Variants in NRG3 observed in about 807,000 individuals in gnomAD.
The protein encoded by NRG3 is neuregulin 3.
Under a neutral mutation model 66.9 loss-of-function variants are expected in NRG3, and 31 were observed. The ratio of observed to expected loss-of-function variants is 0.46; its 90% CI spans 0.35 to 0.63. The LOEUF is 0.63. Among genes scored for constraint, NRG3 ranks in the 20% least tolerant of loss-of-function variants. The probability of loss-of-function intolerance (pLI) is 0.00; values close to 1 mark genes in which losing one functional copy is unlikely to be tolerated. For synonymous variants in NRG3, 393 were observed against 359.4 expected (o/e 1.09, Z -1.06); for missense variants, 910 against 878.9 (o/e 1.04, Z -0.45).
intron 1 of NRG3, among the ~76,000 whole-genome samples, chr10:82,313,646 G>A (rs1667437811): frequency 2.8e-5 from 3 of 107,420 alleles, no homozygotes; most frequent in African/African-American, 1.8e-4. Flanking sequence ...GAATGAGCTG[G>A]GACCTCATTC....
chr10:81,940,717 G>T (rs1848338824), intron 1 of NRG3, among the ~76,000 whole-genome samples: 1 of 151,910 alleles, frequency 6.6e-6, no homozygotes, highest in Non-Finnish European at 1.5e-5. Flanking sequence ...CAAAAAGGCT[G>T]GAAAATGTAG....
chr10:82,647,177 C>T (rs1028490627), intron 2 of NRG3, among the ~76,000 whole-genome samples: 1 of 151,962 alleles, frequency 6.6e-6, no homozygotes, highest in Non-Finnish European at 1.5e-5. Flanking sequence ...ACAACAGTCC[C>T]CAGAGTGTGA....
Position 81,875,793 on chromosome 10 carries a change from C to T in NRG3, c.453C>T (p.Pro151=). 2 of 1,610,700 alleles carry T rather than the reference C, an allele frequency of 1.2e-6. No homozygotes were observed. The highest frequency in any genetic ancestry group is 1.7e-6 in the Non-Finnish European group (2 of 1,179,922). The change falls in exon 1 of 9, where the codon CCC becomes CCT. Residue 151 remains proline, a synonymous_variant. Transcript: ENST00000372141. This position sits in a 1 kb window ranked among gnomAD's most constrained non-coding sequence, Gnocchi z 5.3. ...GGGGTGCCGCCTCCTCCAGGACGCC[C>T]AACCGGATTAGCACTCGCCTGACCA... The part of the protein sequence containing the change: ...SAGGAASSRT[P]NRISTRLTTI...
chr10:81,878,582 A>T (rs975072339), intron 1 of NRG3, among the ~76,000 whole-genome samples: 4 of 152,178 alleles, frequency 2.6e-5, no homozygotes, highest in African/African-American at 9.7e-5. Context: ...AGCCTGAATC[A>T]CTGGTGTTCA....
intron 4 of NRG3, among the ~76,000 whole-genome samples, chr10:82,920,203 T>A (rs374480612): frequency 3.3e-5 from 5 of 152,308 alleles, no homozygotes; most frequent in South Asian, 2.1e-4. Flanking sequence ...GATAAAGTAC[T>A]GTACTCTAGT....
At chr10:81,979,306 A>G (rs1041047054) in intron 1 of NRG3, among the ~76,000 whole-genome samples, 6 of 151,992 alleles carry the variant, frequency 3.9e-5, no homozygotes, top group Non-Finnish European at 8.8e-5. Flanking sequence ...AATATTGTAG[A>G]GGTTATGGCT....
At chr10:82,348,669 A>G (rs1231148934) in intron 1 of NRG3, among the ~76,000 whole-genome samples, 2 of 150,092 alleles carry the variant, frequency 1.3e-5, no homozygotes, top group African/African-American at 4.9e-5. Flanking sequence ...GTGTTTTCCA[A>G]CTTGGCTCCA....
Position 82,714,417 on chromosome 10 carries a change from A to G in NRG3, c.954-24160A>G, listed in dbSNP as rs545657697. Among the ~76,000 whole-genome samples the G allele has an allele frequency of 3.9e-5, 6 of 152,330 alleles. No individual in the cohort carries two copies. The South Asian group carries it at 1.2e-3, about 32-fold the overall frequency. On this transcript the variant is annotated intron_variant, in intron 2 of 8. Transcript: ENST00000372141. Reference sequence around the variant, plus strand: ...CTCTGTTTCAGCAACAAAGAAAAGCATATTGCAGAACTACCCATACCTCAT... The same window carrying G: ...CTCTGTTTCAGCAACAAAGAAAAGCGTATTGCAGAACTACCCATACCTCAT...
intron 1 of NRG3, among the ~76,000 whole-genome samples, chr10:82,236,779 G>C (rs945102608): frequency 1.2e-4 from 17 of 141,394 alleles, no homozygotes; most frequent in Non-Finnish European, 1.2e-4. Flanking sequence ...GCAGTGGTGC[G>C]ATCTCCGCCT....
intron 2 of NRG3, among the ~76,000 whole-genome samples, chr10:82,627,866 G>A (rs2049534016): frequency 1.3e-5 from 2 of 152,114 alleles, no homozygotes; most frequent in Non-Finnish European, 2.9e-5. Context: ...ACAGTCATAT[G>A]GCAAAACAAG....
chr10:82,267,580 A>G (rs2078364603), intron 1 of NRG3, among the ~76,000 whole-genome samples: 1 of 152,180 alleles, frequency 6.6e-6, no homozygotes, highest in Admixed American at 6.5e-5. Context: ...CTCTGCAGAC[A>G]CATTCTTCAT....
intron 1 of NRG3, among the ~76,000 whole-genome samples, chr10:82,181,236 CTATT>C (rs2073397077): frequency 6.6e-6 from 1 of 151,546 alleles, no homozygotes; most frequent in Non-Finnish European, 1.5e-5. Flanking sequence ...TTTCTATTCT[CTATT>C]TTATTTATTT....
chr10:82,504,856 A>T (rs1217903979), intron 2 of NRG3, among the ~76,000 whole-genome samples: 2 of 151,580 alleles, frequency 1.3e-5, no homozygotes, highest in Non-Finnish European at 2.9e-5. Flanking sequence ...CCCTCTATAC[A>T]TCACACTTTT....
intron 4 of NRG3, among the ~76,000 whole-genome samples, chr10:82,903,262 G>C (rs935805113): frequency 6.6e-5 from 10 of 152,112 alleles, no homozygotes; most frequent in African/African-American, 2.4e-4. Flanking sequence ...AATGTTGAGC[G>C]TGTTTGCTTA....
At chr10:82,708,739 T>A (rs1393043597) in intron 2 of NRG3, among the ~76,000 whole-genome samples, 2 of 152,226 alleles carry the variant, frequency 1.3e-5, no homozygotes, top group Non-Finnish European at 2.9e-5. Context: ...ATTGAATTCA[T>A]CTTATTGAGC....
intron 4 of NRG3, among the ~76,000 whole-genome samples, chr10:82,871,779 T>C (rs1841364862): frequency 6.6e-6 from 1 of 152,160 alleles, no homozygotes; most frequent in Non-Finnish European, 1.5e-5. Flanking sequence ...TCCTGTTACA[T>C]TGATATAATC....
intron 1 of NRG3, among the ~76,000 whole-genome samples, chr10:82,357,366 A>C (rs2083849233): frequency 6.6e-6 from 1 of 152,248 alleles, no homozygotes; most frequent in African/African-American, 2.4e-5. Context: ...GCTCACCATC[A>C]GTTGTGACGA....
intron 1 of NRG3, among the ~76,000 whole-genome samples, chr10:82,256,371 A>G (rs2077726887): frequency 6.6e-6 from 1 of 152,066 alleles, no homozygotes; most frequent in Non-Finnish European, 1.5e-5. Context: ...AATGTACGTT[A>G]TTTTGAATGC....
chr10:82,300,627 G>A (rs771109292), intron 1 of NRG3, among the ~76,000 whole-genome samples: 7 of 152,214 alleles, frequency 4.6e-5, no homozygotes, highest in South Asian at 2.1e-4. Context: ...CCTGTTTGCC[G>A]TCACCACAAA....
Sources: allele counts gnomAD v4.1 joint callset (sites outside exome capture counted in the v4.1 genomes callset), GRCh38; gene constraint gnomAD v4.1.1; non-coding constraint Gnocchi (gnomAD v3.1); transcripts MANE v1.5; gene names NCBI Gene and HGNC (gene_info 2026-07-23, HGNC 2026-07-21).